The following PDPR variants were observed in gnomAD, a reference collection of about 807,000 sequenced individuals.
PDPR encodes pyruvate dehydrogenase phosphatase regulatory subunit, also known as pyruvate dehydrogenase phosphatase regulatory subunit, mitochondrial.
In PDPR, 50 loss-of-function variants were observed where a neutral mutation model predicts 102.2. That is an observed-to-expected ratio of 0.49 (90% CI 0.39 to 0.62). PDPR has a LOEUF of 0.62. Among genes scored for constraint, PDPR ranks in the 20% least tolerant of loss-of-function variants. PDPR has a pLI of 0.00. For missense variants in PDPR, 625 were observed against 1,098.2 expected (o/e 0.57, Z 6.09); for synonymous variants, 259 against 406.0 (o/e 0.64, Z 4.35).
chr16:70,116,764 A>G (rs1041508816), intron 2 of PDPR, among the ~76,000 whole-genome samples: 4 of 151,982 alleles, frequency 2.6e-5, no homozygotes, highest in Admixed American at 2.0e-4. Flanking sequence ...CTGGTCTCCA[A>G]CTTCCGACCT....
rs921334950 is a variant in PDPR, at chr16:70,157,407, G to T, written c.*528G>T. 1 of 360,048 alleles carries T rather than the reference G, an allele frequency of 2.8e-6. No homozygotes were observed. Among genetic ancestry groups the T allele is most frequent in the South Asian group, 2.1e-5 (1 of 47,222 alleles). The allele number at this position is 360,048 out of a possible 1,614,324, so 22.3% of individuals were successfully genotyped here. ...TCTGCTGTGCTGTGGGCTGGCACTC[G>T]ATACCTCTGGCAAGAGGATGATTAT... On this transcript the variant is annotated 3_prime_UTR_variant, in exon 19 of 19. Transcript: ENST00000288050.
chr16:70,152,080 C>A (rs1202779458), intron 17 of PDPR, among the ~76,000 whole-genome samples: 1 of 152,270 alleles, frequency 6.6e-6, no homozygotes, highest in African/African-American at 2.4e-5. Flanking sequence ...GTACCACATT[C>A]CCTGGAGATG....
In PDPR at chr16:70,158,188, GTC is replaced by G. The variant is rs1967431563; in HGVS notation, c.*1313_*1314del. 2.0e-5 allele frequency: 3 copies of G among 152,516 alleles called. No individual in the cohort carries two copies. Among genetic ancestry groups the G allele is most frequent in the Admixed American group, 6.5e-5 (1 of 15,288 alleles). The allele number at this position is 152,516 out of a possible 1,614,324, so 9.4% of individuals were successfully genotyped here. A position where few individuals can be genotyped will look rare whatever the true frequency, so the allele number is the denominator to read the frequency against. On this transcript the variant is annotated 3_prime_UTR_variant, in exon 19 of 19. Coordinates refer to ENST00000288050, the MANE Select transcript of PDPR (RefSeq NM_017990.5). ...GAAGTGCCCTGCGCTTTCAGGCAGT[GTC>G]TCTGTTTTCCCAAGGTGAAACTTAG...
intron 17 of PDPR, 109 bp from the exon 18 acceptor site, chr16:70,153,282 G>T: frequency 8.3e-7 from 1 of 1,206,416 alleles, no homozygotes. Flanking sequence ...AGTTTTATAC[G>T]CCTCCTCTCT....
chr16:70,126,272 C>T (rs1394707390), intron 3 of PDPR, among the ~76,000 whole-genome samples: 7 of 152,270 alleles, frequency 4.6e-5, no homozygotes, highest in Admixed American at 4.6e-4. Flanking sequence ...AGTGTAGTGG[C>T]ACAATGCTAG....
At chr16:70,141,575 T>A (rs1348988913) in intron 11 of PDPR, among the ~76,000 whole-genome samples, 1 of 152,300 alleles carries the variant, frequency 6.6e-6, no homozygotes, top group Admixed American at 6.5e-5. Flanking sequence ...TGTTACCACC[T>A]GTGTCCCACT....
At chr16:70,148,423 A>C (rs1271738284) in intron 16 of PDPR, 41 bp from the exon 17 acceptor site, 1 of 1,418,214 alleles carries the variant, frequency 7.1e-7, no homozygotes, top group African/African-American at 1.4e-5. Flanking sequence ...CTTGACAAGT[A>C]ATGTGAGTGC....
chr16:70,136,179 G>A lies in PDPR; in HGVS notation c.998-15G>A, dbSNP rs558613370. 2.7e-4 allele frequency: 402 copies of A among 1,510,134 alleles called. 5 individuals are homozygous for A. In the East Asian group the frequency reaches 9.0e-3, roughly 34 times the overall value. 93.5% of individuals were successfully genotyped at this position (1,510,134 alleles called of 1,614,324 possible). Reference sequence around the variant, plus strand: ...AAAGGTGAGAACTCTATTTGGTTTTGTTGTCATTGCTCAGAGCCTCTGTTG... The same window carrying A: ...AAAGGTGAGAACTCTATTTGGTTTTATTGTCATTGCTCAGAGCCTCTGTTG... On this transcript the variant is annotated splice_polypyrimidine_tract_variant and intron_variant, in intron 9 of 18. Transcript: ENST00000288050.
In PDPR at chr16:70,158,968, A is replaced by G. The variant is rs1967510956; in HGVS notation, c.*2089A>G. ...TAGACATAACTCTTCAACCTTAACTATGGCAATACATTTGTGCTTTAACTG... is the reference window on the plus strand; with the variant it reads ...TAGACATAACTCTTCAACCTTAACTGTGGCAATACATTTGTGCTTTAACTG... On this transcript the variant is annotated 3_prime_UTR_variant, in exon 19 of 19. Transcript: ENST00000288050. 6.6e-6 allele frequency: 1 copy of G among 152,346 alleles called. No homozygotes were observed. The highest frequency in any genetic ancestry group is 1.5e-5 in the Non-Finnish European group (1 of 68,072). 9.4% of individuals were successfully genotyped at this position (152,346 alleles called of 1,614,324 possible).
At chr16:70,139,421 A>G (rs577198505) in intron 11 of PDPR, among the ~76,000 whole-genome samples, 1 of 152,346 alleles carries the variant, frequency 6.6e-6, no homozygotes, top group South Asian at 2.1e-4. Context: ...AGTTTTTGAG[A>G]AAATGCTTTC....
At chr16:70,148,897 ATT>A (rs1358229554) in intron 17 of PDPR, among the ~76,000 whole-genome samples, 42 of 147,172 alleles carry the variant, frequency 2.9e-4, no homozygotes, top group African/African-American at 9.2e-4. Context: ...TTCATAATTA[ATT>A]TTTTTTTTTT....
At position 70,160,493 on chromosome 16, in the gene PDPR, A is replaced by C. The variant is rs1198346951; in HGVS notation, c.*3614A>C. On this transcript the variant is annotated 3_prime_UTR_variant, in exon 19 of 19. Coordinates refer to ENST00000288050, the MANE Select transcript of PDPR (RefSeq NM_017990.5). ...ATCCCTGTCCCCCGACATTGAAGAG[A>C]TCTCATTCAGGCCAGAGACACAGAG... The C allele has an allele frequency of 6.5e-6, 1 of 152,798 alleles. No homozygotes were observed. The highest frequency in any genetic ancestry group is 2.4e-5 in the African/African-American group (1 of 41,438). The allele number at this position is 152,798 out of a possible 1,614,324, so 9.5% of individuals were successfully genotyped here.
chr16:70,157,874 C>T lies in PDPR; in HGVS notation c.*995C>T, dbSNP rs550806881. On this transcript the variant is annotated 3_prime_UTR_variant, in exon 19 of 19. Transcript: ENST00000288050. Reference sequence around the variant, plus strand: ...ACAGTTGGCCCATAAAGTCATGTTTCTCTCCCTTTAGAATAGGGAGGGGAA... The same window carrying T: ...ACAGTTGGCCCATAAAGTCATGTTTTTCTCCCTTTAGAATAGGGAGGGGAA... 5.6e-3 allele frequency: 869 copies of T among 154,126 alleles called. 1 individual carries two copies. Among genetic ancestry groups the T allele is most frequent in the Middle Eastern group, 0.027 (8 of 296 alleles). 9.5% of individuals were successfully genotyped at this position (154,126 alleles called of 1,614,324 possible). A position where few individuals can be genotyped will look rare whatever the true frequency, so the allele number is the denominator to read the frequency against.
At position 70,141,335 on chromosome 16, in the gene PDPR, C is replaced by T. The variant is rs145167594; in HGVS notation, c.1316-899C>T. On this transcript the variant is annotated intron_variant, in intron 11 of 18. Transcript: ENST00000288050. ...TCAGTGCTGGGTTTACAGACGTGAG[C>T]CACCACACCCGGCCTAAGAGAAATG... 2.3e-3 allele frequency among the ~76,000 whole-genome samples: 350 copies of T among 152,222 alleles called. 2 individuals carry two copies. Among genetic ancestry groups the T allele is most frequent in the Non-Finnish European group, 3.0e-3 (206 of 67,986 alleles).
chr16:70,124,811 T>G (rs1963754006), intron 3 of PDPR, among the ~76,000 whole-genome samples: 1 of 152,212 alleles, frequency 6.6e-6, no homozygotes, highest in Non-Finnish European at 1.5e-5. Flanking sequence ...GAAAATATAA[T>G]TATTAGAGTA....
At chr16:70,120,931 CTTTTTTTTTT>C (rs71385643) in intron 3 of PDPR, among the ~76,000 whole-genome samples, 15 of 103,048 alleles carry the variant, frequency 1.5e-4, no homozygotes, top group South Asian at 1.0e-3. Context: ...TTTCGTTTTC[CTTTTTTTTTT>C]TTTTTTTTTT....
rs1286473359 is a variant in PDPR at position 70,142,168 on chromosome 16, G to C, written c.1316-66G>C. Reference sequence around the variant, plus strand: ...ATAGAAACAACTCCAGAGTCTAGTGGACATGGGCTACTCAGGTCTAGAATC... The same window carrying C: ...ATAGAAACAACTCCAGAGTCTAGTGCACATGGGCTACTCAGGTCTAGAATC... On this transcript the variant is annotated intron_variant, in intron 11 of 18. Transcript: ENST00000288050. 14 of 1,556,806 alleles carry C rather than the reference G, an allele frequency of 9.0e-6. No homozygotes were observed. In the East Asian group the frequency reaches 3.2e-4, roughly 35 times the overall value.
intron 18 of PDPR, among the ~76,000 whole-genome samples, chr16:70,156,052 G>T (rs1967140909): frequency 6.6e-6 from 1 of 152,152 alleles, no homozygotes; most frequent in Non-Finnish European, 1.5e-5. Flanking sequence ...ACCACACCCA[G>T]CTTATTTTTG....
At chr16:70,134,264 T>C (rs1288249695) in intron 9 of PDPR, among the ~76,000 whole-genome samples, 1 of 152,060 alleles carries the variant, frequency 6.6e-6, no homozygotes, top group Non-Finnish European at 1.5e-5. Flanking sequence ...CTTGCTCTGT[T>C]GCCCAGGCTG....
Sources: allele counts gnomAD v4.1 joint callset (sites outside exome capture counted in the v4.1 genomes callset), GRCh38; gene constraint gnomAD v4.1.1; transcripts MANE v1.5; gene names NCBI Gene and HGNC (gene_info 2026-07-23, HGNC 2026-07-21).